MAP2K6: variants seen among roughly 807,000 people sequenced by gnomAD.
The protein encoded by MAP2K6 is mitogen-activated protein kinase kinase 6.
Under a neutral mutation model 53.7 loss-of-function variants are expected in MAP2K6, and 16 were observed. That is an observed-to-expected ratio of 0.30 (90% CI 0.20 to 0.45). The LOEUF (loss-of-function observed/expected upper bound fraction) is 0.45. Among genes scored for constraint, MAP2K6 ranks in the 20% least tolerant of loss-of-function variants. MAP2K6 has a pLI of 1.00. For missense variants in MAP2K6, 204 were observed against 411.9 expected, an observed-to-expected ratio of 0.50 and a Z score of 4.37; for synonymous variants, 132 against 143.1, an observed-to-expected ratio of 0.92 and a Z score of 0.55.
chr17:69,463,645 T>TATAC (rs1303476192), intron 1 of MAP2K6, among the ~76,000 whole-genome samples: 1 of 151,538 alleles, frequency 6.6e-6, no homozygotes, highest in Admixed American at 6.6e-5. Context: ...CATATATGTA[T>TATAC]ATACATACAT....
intron 1 of MAP2K6, among the ~76,000 whole-genome samples, chr17:69,480,598 T>G (rs1908316973): frequency 6.6e-6 from 1 of 152,154 alleles, no homozygotes; most frequent in Non-Finnish European, 1.5e-5. Flanking sequence ...CTTCCTCTTT[T>G]TGGATCCTGA....
intron 1 of MAP2K6, among the ~76,000 whole-genome samples, chr17:69,493,778 A>ATAT (rs1255926945): frequency 0.034 from 3,664 of 108,582 alleles, 67 homozygotes; most frequent in Middle Eastern, 0.086. Context: ...AAGAAAAAAA[A>ATAT]AAATATATGT....
chr17:69,520,227 T>C (rs1384961293), intron 5 of MAP2K6, 43 bp from the exon 6 acceptor site: 6 of 991,560 alleles, frequency 6.1e-6, no homozygotes, highest in East Asian at 2.4e-5. Context: ...TATTTCTCCC[T>C]TTTTCATCCT....
chr17:69,528,728 A>G (rs555932204), intron 10 of MAP2K6, among the ~76,000 whole-genome samples: 8 of 151,996 alleles, frequency 5.3e-5, no homozygotes, highest in South Asian at 4.2e-4. Flanking sequence ...GTGTGGTAGC[A>G]CACACCTGTA....
intron 1 of MAP2K6, among the ~76,000 whole-genome samples, chr17:69,438,215 A>G (rs1906709242): frequency 6.6e-6 from 1 of 152,230 alleles, no homozygotes; most frequent in South Asian, 2.1e-4. Flanking sequence ...TGGAAAAAGC[A>G]TTGCATTGAG....
chr17:69,422,978 G>T (rs1567812770), intron 1 of MAP2K6, among the ~76,000 whole-genome samples: 1 of 152,112 alleles, frequency 6.6e-6, no homozygotes, highest in Non-Finnish European at 1.5e-5. Context: ...CCACCTCCTG[G>T]GTTCAAGCGA....
intron 1 of MAP2K6, among the ~76,000 whole-genome samples, 188 bp downstream of exon 1, chr17:69,415,188 A>G (rs1905858833): frequency 6.6e-6 from 1 of 152,178 alleles, no homozygotes; most frequent in Non-Finnish European, 1.5e-5. Flanking sequence ...CAGGGCTTGC[A>G]GTTCAGCTGT....
intron 1 of MAP2K6, among the ~76,000 whole-genome samples, chr17:69,487,064 A>G (rs1184265449): frequency 2.6e-5 from 4 of 152,242 alleles, no homozygotes; most frequent in Admixed American, 6.5e-5. Context: ...ACAGTTTTAT[A>G]ACCTGCCTCT....
chr17:69,523,543 G>T lies in MAP2K6; in HGVS notation c.565G>T (p.Ala189Ser). 6.2e-7 allele frequency: 1 copy of T among 1,614,052 alleles called. No individual in the cohort carries two copies. Among genetic ancestry groups the T allele is most frequent in the Non-Finnish European group, 8.5e-7 (1 of 1,179,956 alleles). ...DVKPSNVLIN[A>S]LGQVKMCDFG... ...CAAGCCTTCTAATGTACTCATCAAT[G>T]CTCTCGGTCAAGTGAAGATGTGCGA... The change falls in exon 8 of 12, where the codon GCT (alanine) becomes TCT (serine). Residue 189 changes from alanine (A) to serine (S), a missense_variant. By Grantham distance (99) the Ala-to-Ser change is moderately conservative. Transcript: ENST00000590474.
At chr17:69,479,728 T>A (rs551489331) in intron 1 of MAP2K6, among the ~76,000 whole-genome samples, 1 of 151,622 alleles carries the variant, frequency 6.6e-6, no homozygotes, top group South Asian at 2.1e-4. Flanking sequence ...TCTTTTTTTT[T>A]TTTTTTTGAG....
At chr17:69,453,777 G>C (rs140805836) in intron 1 of MAP2K6, among the ~76,000 whole-genome samples, 127 of 152,082 alleles carry the variant, frequency 8.4e-4, no homozygotes, top group African/African-American at 2.8e-3. Context: ...ATTCACCTTG[G>C]GTGTAAATTA....
chr17:69,495,796 C>T (rs556536255), intron 1 of MAP2K6, among the ~76,000 whole-genome samples: 2 of 152,046 alleles, frequency 1.3e-5, no homozygotes, highest in African/African-American at 2.4e-5. Context: ...AGCTCGAGCA[C>T]GCCACTAAAT....
intron 1 of MAP2K6, among the ~76,000 whole-genome samples, chr17:69,452,471 T>A (rs1213898047): frequency 6.6e-6 from 1 of 152,168 alleles, no homozygotes; most frequent in Non-Finnish European, 1.5e-5. Context: ...AAGAGACCTT[T>A]CATCTTGTAA....
intron 1 of MAP2K6, among the ~76,000 whole-genome samples, chr17:69,432,492 T>C (rs560866908): frequency 5.3e-5 from 8 of 152,334 alleles, no homozygotes; most frequent in African/African-American, 1.9e-4. Flanking sequence ...AATGAGATCA[T>C]GTCCTTTGCA....
rs1205540132 is a variant in MAP2K6 at position 69,544,390 on chromosome 17, T to A, written c.*2637T>A. On this transcript the variant is annotated 3_prime_UTR_variant, in exon 12 of 12. Coordinates refer to ENST00000590474, the MANE Select transcript of MAP2K6 (RefSeq NM_002758.4). ...TGGTTTTGTTTTTGGAAAACTGTGT[T>A]GTAAGTGCCAATCAACCAACTTTTG... 2 of 152,236 alleles carry A rather than the reference T, an allele frequency of 1.3e-5. No individual in the cohort carries two copies. The highest frequency in any genetic ancestry group is 6.5e-5 in the Admixed American group (1 of 15,288). 9.4% of individuals were successfully genotyped at this position (152,236 alleles called of 1,614,324 possible). A position where few individuals can be genotyped will look rare whatever the true frequency, so the allele number is the denominator to read the frequency against.
chr17:69,462,875 A>G (rs1044462536), intron 1 of MAP2K6, among the ~76,000 whole-genome samples: 1 of 151,768 alleles, frequency 6.6e-6, no homozygotes, highest in African/African-American at 2.4e-5. Context: ...CGGGCGGAAA[A>G]CGAGGTCAGG....
chr17:69,451,856 G>A (rs1372443459), intron 1 of MAP2K6, among the ~76,000 whole-genome samples: 1 of 152,142 alleles, frequency 6.6e-6, no homozygotes, highest in Non-Finnish European at 1.5e-5. Context: ...GCAACTAGAG[G>A]AGAGAGTGCC....
intron 1 of MAP2K6, among the ~76,000 whole-genome samples, chr17:69,467,555 C>CT (rs2145177564): frequency 6.6e-6 from 1 of 152,070 alleles, no homozygotes; most frequent in Non-Finnish European, 1.5e-5. Context: ...TGGACTGAGT[C>CT]TTTTTCCATT....
At position 69,517,594 on chromosome 17, in the gene MAP2K6, G is replaced by T. The variant is rs1335646150; in HGVS notation, c.227G>T (p.Gly76Val). 8 of 1,600,560 alleles carry T rather than the reference G, an allele frequency of 5.0e-6. No homozygotes were observed. Among genetic ancestry groups the T allele is most frequent in the Non-Finnish European group, 6.8e-6 (8 of 1,172,068 alleles). Residue 76 changes from glycine (G) to valine (V), a missense_variant, in exon 4 of 12, where the codon GGG becomes GTG. Around this residue, in one of 3 missense-constraint regions of MAP2K6, gnomAD observed 129 missense variants for 247.1 expected, o/e 0.52. Transcript: ENST00000590474. ...GAGAAGATGCGGCACGTGCCCAGCG[G>T]GCAGATCATGGCAGTGAAGGTAGAG... Reference protein sequence around the residue: ...VVEKMRHVPSGQIMAVKRIRA... With the variant: ...VVEKMRHVPSVQIMAVKRIRA...
Sources: gnomAD v4.1 joint callset for allele counts (sites outside exome capture counted in the v4.1 genomes callset) on GRCh38, gnomAD v4.1.1 for gene constraint, gnomAD v4.1.1 regional missense constraint, MANE v1.5 for transcripts, NCBI Gene and HGNC (gene_info 2026-07-23, HGNC 2026-07-21) for gene names.